EDA: variants seen among roughly 807,000 people sequenced by gnomAD.
The protein encoded by EDA is ectodysplasin-A.
EDA carries 2 observed loss-of-function variants against 23.6 expected under a neutral mutation model. The observed-to-expected ratio is 0.08, with a 90% CI of 0.03 to 0.27. The LOEUF is 0.27. Ranked by LOEUF, EDA falls within the 10% of genes least tolerant of loss-of-function variation. EDA has a pLI of 1.00. For synonymous variants in EDA, 131 were observed against 132.0 expected, an observed-to-expected ratio of 0.99 and a Z score of 0.05; for missense variants, 229 against 324.2, an observed-to-expected ratio of 0.71 and a Z score of 2.26.
At chrX:70,031,773 G>A (rs980199466) in intron 6 of EDA, among the ~76,000 whole-genome samples, 1 of 112,482 alleles carries the variant, frequency 8.9e-6, no homozygotes, top group Non-Finnish European at 1.9e-5. Flanking sequence ...GCCCTGAGTG[G>A]GCCATGATCC....
intron 1 of EDA, among the ~76,000 whole-genome samples, chrX:69,929,206 G>A (rs1364114948): frequency 1.8e-5 from 2 of 111,395 alleles, no homozygotes; most frequent in African/African-American, 3.3e-5. Flanking sequence ...ACTGGCAAGT[G>A]CTCAAGGATT....
At position 69,711,111 on chromosome X, in the gene EDA, A is replaced by T. The variant is rs765525507; in HGVS notation, c.396+94407A>T. ...TGCTTCCAGTTTTTGCCCATTCAGT[A>T]TGATATTGGCTGTGGGTTTGTCATA... On this transcript the variant is annotated intron_variant, in intron 1 of 7. Coordinates refer to ENST00000374552, the MANE Select transcript of EDA (RefSeq NM_001399.5). Among the ~76,000 whole-genome samples the T allele has an allele frequency of 1.4e-4, 16 of 111,446 alleles. No individual in the cohort carries two copies. In the South Asian group the frequency reaches 6.1e-3, roughly 42 times the overall value.
intron 5 of EDA, among the ~76,000 whole-genome samples, chrX:70,030,111 T>A (rs951339563): frequency 4.4e-5 from 5 of 112,370 alleles, no homozygotes; most frequent in African/African-American, 1.6e-4. Context: ...GTGATAAATC[T>A]ACACAGCTGC....
intron 1 of EDA, among the ~76,000 whole-genome samples, chrX:69,767,206 TTTAC>T (rs1207348845): frequency 9.0e-6 from 1 of 111,641 alleles, no homozygotes; most frequent in Non-Finnish European, 1.9e-5. Flanking sequence ...TATGCCACAT[TTTAC>T]TTACTTTTTA....
At chrX:69,810,838 A>G (rs986328224) in intron 1 of EDA, among the ~76,000 whole-genome samples, 5 of 111,025 alleles carry the variant, frequency 4.5e-5, no homozygotes, top group Admixed American at 3.8e-4. Context: ...ACAGCCCTCA[A>G]TTGAACCCAG....
intron 1 of EDA, among the ~76,000 whole-genome samples, chrX:69,886,967 A>G (rs2017838234): frequency 8.9e-6 from 1 of 112,323 alleles, no homozygotes; most frequent in Non-Finnish European, 1.9e-5. Flanking sequence ...AATCAAGCAA[A>G]TGTGAGCCAC....
intron 1 of EDA, among the ~76,000 whole-genome samples, chrX:69,654,251 C>G (rs1402039760): frequency 1.8e-5 from 2 of 111,625 alleles, no homozygotes; most frequent in African/African-American, 6.5e-5. Context: ...CATGAGATAC[C>G]ATCTCACACC....
intron 1 of EDA, among the ~76,000 whole-genome samples, chrX:69,667,697 T>C (rs1227924037): frequency 1.8e-5 from 2 of 112,129 alleles, no homozygotes; most frequent in Non-Finnish European, 3.8e-5. Context: ...ATTTGGGACC[T>C]GTCTTAATTC....
Position 70,023,937 on chromosome X carries a change from T to G in EDA, c.526+696T>G, listed in dbSNP as rs182751287. Among the ~76,000 whole-genome samples, 679 of 112,001 alleles carry G rather than the reference T, an allele frequency of 6.1e-3. 3 individuals are homozygous for G. Among genetic ancestry groups the G allele is most frequent in the Non-Finnish European group, 9.4e-3 (499 of 53,213 alleles). ...TTGGGTCAGTAAGTCCCCAGTGTACTTGCAATGAAACTGGCCCTAGGGCAT... is the reference window on the plus strand; with the variant it reads ...TTGGGTCAGTAAGTCCCCAGTGTACGTGCAATGAAACTGGCCCTAGGGCAT... On this transcript the variant is annotated intron_variant, in intron 3 of 7. Transcript: ENST00000374552.
At chrX:70,026,442 G>A (rs1478345413) in intron 3 of EDA, among the ~76,000 whole-genome samples, 1 of 111,878 alleles carries the variant, frequency 8.9e-6, no homozygotes, top group Non-Finnish European at 1.9e-5. Context: ...GAGTTGGTGG[G>A]CATGATTAAT....
At chrX:69,778,857 G>A (rs1161864450) in intron 1 of EDA, among the ~76,000 whole-genome samples, 1 of 111,428 alleles carries the variant, frequency 9.0e-6, no homozygotes, top group Admixed American at 9.6e-5. Flanking sequence ...ACCTTCAGCT[G>A]TTAGCAAACG....
At chrX:69,858,383 A>AT (rs1389233605) in intron 1 of EDA, among the ~76,000 whole-genome samples, 1 of 111,756 alleles carries the variant, frequency 8.9e-6, no homozygotes, top group Admixed American at 9.5e-5. Flanking sequence ...GGCTCTTATT[A>AT]TTTTTAGGTA....
At chrX:69,926,152 C>G (rs1194094557) in intron 1 of EDA, among the ~76,000 whole-genome samples, 1 of 108,347 alleles carries the variant, frequency 9.2e-6, no homozygotes, top group African/African-American at 3.4e-5. Context: ...GTGTATCTGT[C>G]CTCTTCAATT....
chrX:69,719,783 T>G (rs377616223), intron 1 of EDA, among the ~76,000 whole-genome samples: 7 of 108,330 alleles, frequency 6.5e-5, no homozygotes, highest in African/African-American at 2.4e-4. Flanking sequence ...GGAGTTTCAC[T>G]CTGTTGCGCA....
At chrX:69,887,582 A>C (rs1463632718) in intron 1 of EDA, among the ~76,000 whole-genome samples, 2 of 111,817 alleles carry the variant, frequency 1.8e-5, no homozygotes, top group African/African-American at 6.5e-5. Context: ...AGATTTATGA[A>C]GCTCAAAAGA....
At chrX:69,857,830 G>A (rs894704440) in intron 1 of EDA, among the ~76,000 whole-genome samples, 29 of 111,907 alleles carry the variant, frequency 2.6e-4, no homozygotes, top group African/African-American at 9.4e-4. Context: ...TGGCAGTATG[G>A]TCATTTTCAC....
chrX:69,793,564 G>GTTTTTTT (rs1362047098), intron 1 of EDA, among the ~76,000 whole-genome samples: 2 of 32,878 alleles, frequency 6.1e-5, no homozygotes, highest in African/African-American at 3.4e-4. Flanking sequence ...TTGTTTGTTT[G>GTTTTTTT]TTTTTGTTTT....
At chrX:70,015,645 G>T (rs2019937993) in intron 2 of EDA, among the ~76,000 whole-genome samples, 1 of 111,593 alleles carries the variant, frequency 9.0e-6, no homozygotes, top group Non-Finnish European at 1.9e-5. Flanking sequence ...AAGCAGAGGA[G>T]AAATAAGATC....
chrX:69,797,989 C>T, intron 1 of EDA, among the ~76,000 whole-genome samples: 1 of 111,932 alleles, frequency 8.9e-6, no homozygotes, highest in East Asian at 2.8e-4. Context: ...ACATATCCTA[C>T]TCAAATGGGA....
Sources: gnomAD v4.1 joint callset for allele counts (sites outside exome capture counted in the v4.1 genomes callset) on GRCh38, gnomAD v4.1.1 for gene constraint, MANE v1.5 for transcripts, NCBI Gene and HGNC (gene_info 2026-07-23, HGNC 2026-07-21) for gene names.